Variants in CSNK1G2 observed in about 807,000 individuals in gnomAD.
CSNK1G2 encodes casein kinase 1 gamma 2.
Under a neutral mutation model 48.0 loss-of-function variants are expected in CSNK1G2, and 11 were observed. The ratio of observed to expected loss-of-function variants is 0.23; its 90% CI spans 0.14 to 0.38. The LOEUF is 0.38. Ranked by LOEUF, CSNK1G2 falls within the 10% of genes least tolerant of loss-of-function variation. CSNK1G2 has a pLI of 1.00. For synonymous variants in CSNK1G2, 337 were observed against 254.1 expected (o/e 1.33, Z -3.10); for missense variants, 446 against 595.5 (o/e 0.75, Z 2.61).
chr19:1,975,596 AG>A (rs945446535), intron 2 of CSNK1G2: 2 of 985,284 alleles, frequency 2.0e-6, no homozygotes, highest in African/African-American at 1.7e-5. Flanking sequence ...TGGGCGGGGA[AG>A]GGGGGATGAA....
At position 1,941,729 on chromosome 19, in the gene CSNK1G2, C is replaced by T. The variant is rs556843322; in HGVS notation, c.-266+311C>T. On this transcript the variant is annotated intron_variant, in intron 1 of 11. Coordinates refer to ENST00000255641, the MANE Select transcript of CSNK1G2 (RefSeq NM_001319.7). ...CACGCTGACCTCCACACTCAGGAGTCTGCCGCCCCAGTGACCCTCACACTC... is the reference window on the plus strand; with the variant it reads ...CACGCTGACCTCCACACTCAGGAGTTTGCCGCCCCAGTGACCCTCACACTC... Among the ~76,000 whole-genome samples, 8 of 150,354 alleles carry T rather than the reference C, an allele frequency of 5.3e-5. No homozygotes were observed. In the East Asian group the frequency reaches 1.2e-3, roughly 22 times the overall value.
chr19:1,979,176 C>T lies in CSNK1G2; in HGVS notation c.696C>T (p.Arg232=). Residue 232 remains arginine (R), a synonymous_variant, in exon 7 of 12, where the codon CGC becomes CGT. Transcript: ENST00000255641. ...CTGTCCCCGCAGAGCAGAGCCGCCG[C>T]GACGACCTGGAGGCGCTGGGCCACA... is the stretch of plus-strand genomic sequence containing the variant. ...NTHLGKEQSR[R]DDLEALGHMF... is the part of the protein sequence containing the mutation. 1.3e-6 allele frequency: 2 copies of T among 1,530,196 alleles called. No homozygotes were observed. Among genetic ancestry groups the T allele is most frequent in the East Asian group, 2.4e-5 (1 of 41,110 alleles). The allele number at this position is 1,530,196 out of a possible 1,614,324, so 94.8% of individuals were successfully genotyped here. A position where few individuals can be genotyped will look rare whatever the true frequency, so the allele number is the denominator to read the frequency against.
chr19:1,963,576 C>T (rs113408511), intron 1 of CSNK1G2, among the ~76,000 whole-genome samples: 15 of 149,080 alleles, frequency 1.0e-4, no homozygotes, highest in South Asian at 4.3e-4. Flanking sequence ...GGTGTGATCT[C>T]GGCTCACTGC....
rs11880991 is a variant in CSNK1G2, at chr19:1,975,799, G to A, written c.188-2506G>A. On this transcript the variant is annotated intron_variant, in intron 2 of 11. Coordinates refer to ENST00000255641, the MANE Select transcript of CSNK1G2 (RefSeq NM_001319.7). ...GCCTGTAATCCCAACACTTTGGGAG[G>A]CTGATGTGGGCGGATCACCTGACGT... is the stretch of plus-strand genomic sequence containing the variant. The A allele has an allele frequency of 5.9e-4, 571 of 974,652 alleles. 5 individuals are homozygous for A. The African/African-American group carries it at 9.3e-3, about 16-fold the overall frequency. 60.4% of individuals were successfully genotyped at this position (974,652 alleles called of 1,614,324 possible).
intron 2 of CSNK1G2, chr19:1,975,244 G>T (rs145671723): frequency 1.0e-6 from 1 of 985,368 alleles, no homozygotes; most frequent in Admixed American, 6.1e-5. Flanking sequence ...CCGCCTGCCC[G>T]TCAGGGAGCC....
rs2015501339 is a variant in CSNK1G2 at position 1,969,803 on chromosome 19, G to A, written c.31G>A (p.Glu11Lys). 2 of 1,309,574 alleles carry A rather than the reference G, an allele frequency of 1.5e-6. No homozygotes were observed. Among genetic ancestry groups the A allele is most frequent in the Non-Finnish European group, 2.0e-6 (2 of 1,020,600 alleles). The allele number at this position is 1,309,574 out of a possible 1,614,324, so 81.1% of individuals were successfully genotyped here. MDFDKKGGKG[E>K]TEEGRRMSKA... ...TTTTGACAAGAAAGGAGGGAAAGGGGAGACGGAGGAGGGCCGGAGAATGTC... is the reference window on the plus strand; with the variant it reads ...TTTTGACAAGAAAGGAGGGAAAGGGAAGACGGAGGAGGGCCGGAGAATGTC... Residue 11 changes from glutamate to lysine, a missense_variant, in exon 2 of 12, where the codon GAG becomes AAG. By Grantham distance (56) the Glu-to-Lys change is moderately conservative. Coordinates refer to ENST00000255641, the MANE Select transcript of CSNK1G2 (RefSeq NM_001319.7).
rs1229672245 is a variant in CSNK1G2 at position 1,978,270 on chromosome 19, T to C, written c.188-35T>C. 1 of 1,612,360 alleles carries C rather than the reference T, an allele frequency of 6.2e-7. No homozygotes were observed. The highest frequency in any genetic ancestry group is 1.1e-5 in the South Asian group (1 of 91,048). On this transcript the variant is annotated intron_variant, in intron 2 of 11. Coordinates refer to ENST00000255641, the MANE Select transcript of CSNK1G2 (RefSeq NM_001319.7). The surrounding 1 kb of genome is among the most constrained non-coding windows in gnomAD (Gnocchi z 7.3). ...GGGGAGGTCGGGGCTAGGTGGGCCC[T>C]GCGCTGGCGGTGCTGATGGTCTCTG...
chr19:1,958,346 T>C (rs1654894005), intron 1 of CSNK1G2, among the ~76,000 whole-genome samples: 1 of 151,806 alleles, frequency 6.6e-6, no homozygotes, highest in African/African-American at 2.4e-5. Flanking sequence ...CTTGCAGGGC[T>C]CAGCAGTGGG....
At chr19:1,951,124 A>G (rs12977259) in intron 1 of CSNK1G2, among the ~76,000 whole-genome samples, 109,228 of 144,220 alleles carry the variant, frequency 0.76, 44,473 homozygotes, top group Non-Finnish European at 0.81. Flanking sequence ...AAAGATGGCC[A>G]GGCACGGTGG....
chr19:1,968,802 A>G (rs1006618700), intron 1 of CSNK1G2: 1 of 152,468 alleles, frequency 6.6e-6, no homozygotes, highest in Non-Finnish European at 1.5e-5. Flanking sequence ...TCCGCTCTGC[A>G]CCGAAGGGGA....
chr19:1,976,200 G>T (rs1441622408), intron 2 of CSNK1G2: 2 of 908,424 alleles, frequency 2.2e-6, no homozygotes, highest in Non-Finnish European at 3.1e-6. Context: ...CTAATAACGT[G>T]TTACACTGGG....
intron 1 of CSNK1G2, among the ~76,000 whole-genome samples, chr19:1,947,044 G>T (rs116839245): frequency 0.017 from 2,522 of 152,330 alleles, 68 homozygotes; most frequent in African/African-American, 0.058. Flanking sequence ...GTGAGCCACC[G>T]TGCCCGGCCC....
chr19:1,969,232 C>T (rs368830605), intron 1 of CSNK1G2, among the ~76,000 whole-genome samples: 1 of 123,852 alleles, frequency 8.1e-6, no homozygotes, highest in Admixed American at 8.5e-5. Context: ...GTGCCACCCA[C>T]CCACCCACCC....
chr19:1,976,485 G>T (rs2015760013), intron 2 of CSNK1G2, among the ~76,000 whole-genome samples: 1 of 152,230 alleles, frequency 6.6e-6, no homozygotes, highest in African/African-American at 2.4e-5. Flanking sequence ...GGACAGGGCA[G>T]TGCCAGAAGG....
chr19:1,966,507 G>C (rs2015369899), intron 1 of CSNK1G2, among the ~76,000 whole-genome samples: 1 of 152,198 alleles, frequency 6.6e-6, no homozygotes, highest in Non-Finnish European at 1.5e-5. Context: ...TCTAGTCCCA[G>C]TGAAGATTCT....
intron 2 of CSNK1G2, among the ~76,000 whole-genome samples, chr19:1,971,911 A>G (rs2015586301): frequency 2.6e-5 from 4 of 151,866 alleles, no homozygotes; most frequent in Admixed American, 2.6e-4. Flanking sequence ...CTGGGACTAC[A>G]GGCGCCCGCC....
chr19:1,956,554 A>G (rs1241453424), intron 1 of CSNK1G2, among the ~76,000 whole-genome samples: 1 of 152,042 alleles, frequency 6.6e-6, no homozygotes, highest in Non-Finnish European at 1.5e-5. Flanking sequence ...CGGCAAGGCC[A>G]CTCTGTACTC....
At chr19:1,951,756 C>T (rs533606420) in intron 1 of CSNK1G2, among the ~76,000 whole-genome samples, 2 of 145,590 alleles carry the variant, frequency 1.4e-5, no homozygotes, top group South Asian at 4.4e-4. Context: ...TCTCCGTTCA[C>T]TGCACGCTCC....
At chr19:1,974,246 GC>G (rs1433374683) in intron 2 of CSNK1G2, among the ~76,000 whole-genome samples, 1 of 152,154 alleles carries the variant, frequency 6.6e-6, no homozygotes, top group African/African-American at 2.4e-5. Context: ...AGGCTGGTGA[GC>G]CCCAGATTGA....
Sources: gnomAD v4.1 joint callset for allele counts (sites outside exome capture counted in the v4.1 genomes callset) on GRCh38, gnomAD v4.1.1 for gene constraint, Gnocchi (gnomAD v3.1) non-coding constraint, MANE v1.5 for transcripts, NCBI Gene and HGNC (gene_info 2026-07-23, HGNC 2026-07-21) for gene names.